Variants in RNF123 observed in about 807,000 individuals in gnomAD.
RNF123 encodes the protein E3 ubiquitin-protein ligase RNF123.
Under a neutral mutation model 168.5 loss-of-function variants are expected in RNF123, and 86 were observed. The observed-to-expected ratio is 0.51, with a 90% CI of 0.43 to 0.61. The LOEUF (loss-of-function observed/expected upper bound fraction) is 0.61. Among genes scored for constraint, RNF123 ranks in the 20% least tolerant of loss-of-function variants. The pLI, the probability that RNF123 is intolerant of heterozygous loss-of-function variation, is 0.00. For missense variants in RNF123, 1,419 were observed against 1,729.7 expected (o/e 0.82, Z 3.19); for synonymous variants, 666 against 689.1 (o/e 0.97, Z 0.52).
chr3:49,697,811 G>C (rs2054298097), intron 5 of RNF123, 74 bp from the exon 6 acceptor site: 2 of 1,578,034 alleles, frequency 1.3e-6, no homozygotes, highest in African/African-American at 2.7e-5. Flanking sequence ...CTCAGTTGGG[G>C]ATGGGGTCTT....
intron 3 of RNF123, among the ~76,000 whole-genome samples, chr3:49,692,030 G>C (rs2054175771): frequency 6.6e-6 from 1 of 152,248 alleles, no homozygotes; most frequent in Admixed American, 6.5e-5. Context: ...GATTGCTTGA[G>C]TCCAGGAGTT....
chr3:49,720,560 C>T lies in RNF123; in HGVS notation c.3550C>T (p.Arg1184Cys), dbSNP rs372750601. The change falls in exon 36 of 39, where the codon CGC becomes TGC. Residue 1184 changes from arginine to cysteine, a missense_variant. By Grantham distance (180) the Arg-to-Cys change is radical (BLOSUM62 -3). Around this residue, in one of 5 missense-constraint regions of RNF123, gnomAD observed 164 missense variants for 152.3 expected, o/e 1.08. Transcript: ENST00000327697. ...VLLADPCFQL[R>C]SICYLLGQPE... ...CCTGGCAGATCCCTGCTTCCAGCTACGCTCAATATGCTATCTCCTGGGACA... is the reference window on the plus strand; with the variant it reads ...CCTGGCAGATCCCTGCTTCCAGCTATGCTCAATATGCTATCTCCTGGGACA... 7.1e-5 allele frequency: 115 copies of T among 1,611,362 alleles called. 1 individual carries two copies. In the East Asian group the frequency reaches 1.2e-3, roughly 16 times the overall value.
chr3:49,713,486 G>A (rs1388533468), intron 27 of RNF123, 27 bp from the exon 28 acceptor site: 3 of 1,585,292 alleles, frequency 1.9e-6, no homozygotes, highest in South Asian at 1.1e-5. Context: ...ACTCCCAGCC[G>A]ACACGTCTCA....
At chr3:49,711,661 C>T (rs1171936082) in intron 26 of RNF123, among the ~76,000 whole-genome samples, 1 of 152,118 alleles carries the variant, frequency 6.6e-6, no homozygotes, top group East Asian at 1.9e-4. Context: ...GACCGCACTC[C>T]AAGACACACG....
At chr3:49,702,003 ACCCTGGTGGTGGAG>A in intron 17 of RNF123, 66 bp from the exon 18 acceptor site, 1 of 1,563,150 alleles carries the variant, frequency 6.4e-7, no homozygotes, top group Non-Finnish European at 8.7e-7. Flanking sequence ...GACTTGGGGA[ACCCTGGTGGTGGAG>A]CCCTGGCCCA....
rs749936720 is a variant in RNF123, at chr3:49,720,559, A to G, written c.3549A>G (p.Leu1183=). The G allele has an allele frequency of 6.2e-6, 10 of 1,611,122 alleles. No individual in the cohort carries two copies. The East Asian group carries it at 1.3e-4, about 22-fold the overall frequency. Residue 1183 remains leucine (L), a synonymous_variant, in exon 36 of 39, where the codon CTA becomes CTG. Coordinates refer to ENST00000327697, the MANE Select transcript of RNF123 (RefSeq NM_022064.5). ...SVLLADPCFQ[L]RSICYLLGQP... ...TCCTGGCAGATCCCTGCTTCCAGCT[A>G]CGCTCAATATGCTATCTCCTGGGAC...
Position 49,706,864 on chromosome 3 carries a change from G to A in RNF123, c.2462G>A (p.Arg821His), listed in dbSNP as rs554235983. The change falls in exon 26 of 39, where the codon CGT becomes CAT. Residue 821 changes from arginine to histidine, a missense_variant. Around this residue, in one of 5 missense-constraint regions of RNF123, gnomAD observed 538 missense variants for 708.8 expected, o/e 0.76. Coordinates refer to ENST00000327697, the MANE Select transcript of RNF123 (RefSeq NM_022064.5). The stretch of plus-strand genomic sequence containing the variant: ...GAAAAGCTGGACCACCTGAGCCGCC[G>A]TCTTGCCTGGGTCCATGCCACTGTC... ...FSEKLDHLSRRLAWVHATVYS... is the reference protein window; with the variant it reads ...FSEKLDHLSRHLAWVHATVYS... 2.1e-5 allele frequency: 34 copies of A among 1,614,168 alleles called. No individual in the cohort carries two copies. Among genetic ancestry groups the A allele is most frequent in the Middle Eastern group, 1.7e-4 (1 of 6,056 alleles).
In RNF123 at chr3:49,717,934, G is replaced by A. The variant is rs2080280528; in HGVS notation, c.3500+1457G>A. 7 of 1,601,382 alleles carry A rather than the reference G, an allele frequency of 4.4e-6. No homozygotes were observed. The East Asian group carries it at 1.6e-4, about 36-fold the overall frequency. On this transcript the variant is annotated intron_variant, in intron 35 of 38. Transcript: ENST00000327697. ...CAGCAAGAGGGTGGGGGCCTGGGTG[G>A]GGGAGCCCTGGGCAGTCTAGGTTGT...
At chr3:49,719,462 TCATGGCGGCGAC>T (rs1180850418) in intron 35 of RNF123, 2 of 1,610,176 alleles carry the variant, frequency 1.2e-6, no homozygotes, top group Non-Finnish European at 1.7e-6. Context: ...ACCAACCAGG[TCATGGCGGCGAC>T]CACCAGGGAC....
At chr3:49,706,392 C>T (rs1559680563) in intron 25 of RNF123, among the ~76,000 whole-genome samples, 1 of 152,256 alleles carries the variant, frequency 6.6e-6, no homozygotes, top group Non-Finnish European at 1.5e-5. Context: ...CTCCGGAGCC[C>T]TCTGCTGTAG....
intron 35 of RNF123, chr3:49,717,731 T>G: frequency 1.6e-6 from 1 of 610,682 alleles, no homozygotes; most frequent in African/African-American, 1.8e-5. Flanking sequence ...GCCTGGGGCC[T>G]TTGGGTCCTG....
intron 24 of RNF123, 74 bp downstream of exon 24, chr3:49,705,753 A>T (rs2054504069): frequency 1.9e-6 from 3 of 1,596,584 alleles, no homozygotes; most frequent in Non-Finnish European, 2.6e-6. Context: ...TCCTGTGTGC[A>T]CATGGGCCCG....
chr3:49,697,709 C>T (rs567360810), intron 5 of RNF123, among the ~76,000 whole-genome samples, 176 bp from the exon 6 acceptor site: 12 of 152,230 alleles, frequency 7.9e-5, no homozygotes, highest in Non-Finnish European at 1.5e-4. Flanking sequence ...CTGCCTTGGC[C>T]CAGGATCCTT....
rs757680813 is a variant in RNF123 at position 49,705,651 on chromosome 3, A to G, written c.2276A>G (p.Asn759Ser). Residue 759 changes from asparagine to serine, a missense_variant, in exon 24 of 39, where the codon AAC becomes AGC. Physicochemically the swap from Asn to Ser is conservative, Grantham distance 46. This residue lies in a region of RNF123 where 538 missense variants were observed against 708.8 expected (regional missense o/e 0.76). Coordinates refer to ENST00000327697, the MANE Select transcript of RNF123 (RefSeq NM_022064.5). ...EVLDGAVMMY[N>S]LSVHQQLGKM... ...CTGGATGGGGCGGTCATGATGTACA[A>G]CCTCAGCGTACACCAGCAGCTGGGC... The G allele has an allele frequency of 3.0e-5, 48 of 1,613,808 alleles. No individual in the cohort carries two copies. The highest frequency in any genetic ancestry group is 3.9e-5 in the Non-Finnish European group (46 of 1,180,002).
At chr3:49,710,523 G>A (rs998505947) in intron 26 of RNF123, among the ~76,000 whole-genome samples, 13 of 149,650 alleles carry the variant, frequency 8.7e-5, no homozygotes, top group African/African-American at 2.7e-4. Context: ...TAGGTGATCC[G>A]CCTGCCTCGG....
At chr3:49,696,701 A>G (rs539613267) in intron 3 of RNF123, among the ~76,000 whole-genome samples, 1 of 147,182 alleles carries the variant, frequency 6.8e-6, no homozygotes, top group South Asian at 2.2e-4. Flanking sequence ...CTGAAGTACA[A>G]TGACACGATC....
rs547185698 is a variant in RNF123, at chr3:49,713,730, C to T, written c.2750-8C>T. On this transcript the variant is annotated splice_polypyrimidine_tract_variant and splice_region_variant and intron_variant, in intron 28 of 38. Coordinates refer to ENST00000327697, the MANE Select transcript of RNF123 (RefSeq NM_022064.5). ...AAGCCCCTGCTGAGGCACGGTGTGT[C>T]CCCGCAGACATCCGAGACTCACTGA... The T allele has an allele frequency of 1.0e-4, 167 of 1,594,356 alleles. No homozygotes were observed. Among genetic ancestry groups the T allele is most frequent in the Admixed American group, 5.4e-4 (31 of 56,930 alleles).
In RNF123 at chr3:49,706,794, A is replaced by C. The variant is rs1407383090; in HGVS notation, c.2392A>C (p.Lys798Gln). Reference sequence around the variant, plus strand: ...CTCCTTTCCCCTTGGGTGGCAGAGGAAGGACATCCTTGCAGAGTTGACCAA... The same window carrying C: ...CTCCTTTCCCCTTGGGTGGCAGAGGCAGGACATCCTTGCAGAGTTGACCAA... Reference protein sequence around the residue: ...DKLRRCPKRRKDILAELTKSQ... With the variant: ...DKLRRCPKRRQDILAELTKSQ... The change falls in exon 26 of 39, where the codon AAG (lysine) becomes CAG (glutamine). Residue 798 changes from lysine to glutamine, a missense_variant. Coordinates refer to ENST00000327697, the MANE Select transcript of RNF123 (RefSeq NM_022064.5). 6.2e-7 allele frequency: 1 copy of C among 1,613,952 alleles called. No individual in the cohort carries two copies. Among genetic ancestry groups the C allele is most frequent in the Non-Finnish European group, 8.5e-7 (1 of 1,179,794 alleles).
rs761429036 is a variant in RNF123 at position 49,719,498 on chromosome 3, T to G, written c.3501-1013T>G. 7 of 1,553,082 alleles carry G rather than the reference T, an allele frequency of 4.5e-6. No homozygotes were observed. In the South Asian group the frequency reaches 8.2e-5, roughly 18 times the overall value. ...ACCACCAGGGACAGTACAGAGCAGC[T>G]CTGTGCAGGTTGCAGTTCCAGGACT... On this transcript the variant is annotated intron_variant, in intron 35 of 38. Transcript: ENST00000327697.
Sources: gnomAD v4.1 joint callset for allele counts (sites outside exome capture counted in the v4.1 genomes callset) on GRCh38, gnomAD v4.1.1 for gene constraint, gnomAD v4.1.1 regional missense constraint, MANE v1.5 for transcripts, NCBI Gene and HGNC (gene_info 2026-07-23, HGNC 2026-07-21) for gene names.